The following STXBP5L variants were observed in gnomAD, a reference collection of about 807,000 sequenced individuals.
STXBP5L encodes the protein syntaxin binding protein 5L, also known as syntaxin-binding protein 5-like.
In STXBP5L, 65 loss-of-function variants were observed where a neutral mutation model predicts 144.5. That is an observed-to-expected ratio of 0.45 (90% CI 0.37 to 0.55). STXBP5L has a LOEUF of 0.55. Ranked by LOEUF, STXBP5L falls within the 20% of genes least tolerant of loss-of-function variation. The probability of loss-of-function intolerance (pLI) is 0.00; values close to 1 mark genes in which losing one functional copy is unlikely to be tolerated. For synonymous variants in STXBP5L, 505 were observed against 469.6 expected, an observed-to-expected ratio of 1.08 and a Z score of -0.97; for missense variants, 1,298 against 1,405.5, an observed-to-expected ratio of 0.92 and a Z score of 1.22.
intron 3 of STXBP5L, among the ~76,000 whole-genome samples, chr3:121,035,495 C>T (rs1349968172): frequency 1.3e-5 from 2 of 152,042 alleles, no homozygotes; most frequent in East Asian, 3.9e-4. Context: ...TTTTCATTGA[C>T]TTTATTAAGT....
At chr3:121,097,632 C>T (rs113943719) in intron 5 of STXBP5L, among the ~76,000 whole-genome samples, 3 of 152,254 alleles carry the variant, frequency 2.0e-5, no homozygotes, top group African/African-American at 4.8e-5. Flanking sequence ...GATCACCCTC[C>T]GTGAGCTGCA....
intron 3 of STXBP5L, among the ~76,000 whole-genome samples, chr3:121,036,930 AAT>A (rs1228734271): frequency 6.6e-6 from 1 of 151,730 alleles, no homozygotes; most frequent in East Asian, 1.9e-4. Context: ...AAATTTTAAA[AAT>A]ATATATTTTT....
At chr3:121,052,473 A>C (rs565855197) in intron 5 of STXBP5L, among the ~76,000 whole-genome samples, 1 of 152,336 alleles carries the variant, frequency 6.6e-6, no homozygotes, top group African/African-American at 2.4e-5. Context: ...TCCAGCATAT[A>C]AACAGAACCA....
chr3:121,361,599 C>T (rs1432576392), intron 20 of STXBP5L, among the ~76,000 whole-genome samples: 2 of 151,872 alleles, frequency 1.3e-5, no homozygotes, highest in Non-Finnish European at 2.9e-5. Context: ...TTCAGTATGC[C>T]AGTTGCATTT....
intron 9 of STXBP5L, among the ~76,000 whole-genome samples, chr3:121,182,684 A>G (rs540449293): frequency 6.6e-5 from 10 of 152,318 alleles, no homozygotes; most frequent in African/African-American, 1.4e-4. Flanking sequence ...AACAAAAAAT[A>G]TGCAAAAGAT....
chr3:121,269,799 A>G (rs2050684767), intron 18 of STXBP5L, among the ~76,000 whole-genome samples: 1 of 152,210 alleles, frequency 6.6e-6, no homozygotes, highest in East Asian at 1.9e-4. Context: ...GTCTCTTTAT[A>G]CAAACATAAC....
intron 2 of STXBP5L, among the ~76,000 whole-genome samples, chr3:120,935,746 T>G (rs1710232137): frequency 6.6e-6 from 1 of 152,058 alleles, no homozygotes. Flanking sequence ...ATTCTTACCC[T>G]AAGTCCTCAA....
intron 20 of STXBP5L, among the ~76,000 whole-genome samples, chr3:121,377,969 G>A (rs967466425): frequency 6.6e-6 from 1 of 152,116 alleles, no homozygotes; most frequent in Non-Finnish European, 1.5e-5. Context: ...CACATATACA[G>A]CATGGAATAC....
At position 120,962,728 on chromosome 3, in the gene STXBP5L, T is replaced by G. The variant is rs939015686; in HGVS notation, c.287+7691T>G. On this transcript the variant is annotated intron_variant, in intron 3 of 26. Coordinates refer to ENST00000471454, the MANE Select transcript of STXBP5L (RefSeq NM_001308330.2). ...GGTAGCATGATGGCTCCAGCTTTGT[T>G]CATTTTGCTTAGAATTGTCTTGGCA... is the stretch of plus-strand genomic sequence containing the variant. 3.9e-5 allele frequency among the ~76,000 whole-genome samples: 6 copies of G among 152,334 alleles called. No homozygotes were observed. The East Asian group carries it at 1.2e-3, about 29-fold the overall frequency.
intron 3 of STXBP5L, among the ~76,000 whole-genome samples, chr3:120,958,339 G>A (rs1003892781): frequency 4.6e-5 from 7 of 152,104 alleles, no homozygotes; most frequent in Admixed American, 2.6e-4. Flanking sequence ...ACAAGGAGGA[G>A]CTGGTACCAT....
intron 20 of STXBP5L, among the ~76,000 whole-genome samples, chr3:121,343,549 G>T (rs139138673): frequency 6.6e-6 from 1 of 152,026 alleles, no homozygotes. Context: ...CTTCAGCAAA[G>T]TCTCAGGATA....
rs1320166449 is a variant in STXBP5L at position 120,981,522 on chromosome 3, G to T, written c.287+26485G>T. On this transcript the variant is annotated intron_variant, in intron 3 of 26. Transcript: ENST00000471454. ...TTGTGGTTCCTTTAATGAATTTTTAGTTCTAGAAGTTCTTTTTTAAAAAAT... is the reference window on the plus strand; with the variant it reads ...TTGTGGTTCCTTTAATGAATTTTTATTTCTAGAAGTTCTTTTTTAAAAAAT... 3.9e-5 allele frequency among the ~76,000 whole-genome samples: 6 copies of T among 151,956 alleles called. No homozygotes were observed. The East Asian group carries it at 5.8e-4, about 15-fold the overall frequency.
chr3:121,093,601 G>T (rs569413389), intron 5 of STXBP5L, among the ~76,000 whole-genome samples: 1 of 152,300 alleles, frequency 6.6e-6, no homozygotes, highest in East Asian at 1.9e-4. Context: ...TTATATTTCT[G>T]TGGGATCAGT....
At chr3:121,205,190 A>G (rs1212105316) in intron 9 of STXBP5L, among the ~76,000 whole-genome samples, 1 of 152,194 alleles carries the variant, frequency 6.6e-6, no homozygotes, top group Non-Finnish European at 1.5e-5. Flanking sequence ...ACAGAATACT[A>G]CACACTACGC....
chr3:120,941,641 CCTTT>C (rs1710571696), intron 2 of STXBP5L, among the ~76,000 whole-genome samples: 1 of 151,574 alleles, frequency 6.6e-6, no homozygotes, highest in Non-Finnish European at 1.5e-5. Flanking sequence ...CAATTATTTA[CCTTT>C]CTTAAAATAT....
chr3:120,923,073 G>T (rs1709434831), intron 2 of STXBP5L, among the ~76,000 whole-genome samples: 1 of 151,712 alleles, frequency 6.6e-6, no homozygotes, highest in South Asian at 2.1e-4. Context: ...GTTCAATCTT[G>T]GTAGGTTGTA....
At chr3:121,341,436 G>A (rs891703264) in intron 20 of STXBP5L, among the ~76,000 whole-genome samples, 3 of 152,086 alleles carry the variant, frequency 2.0e-5, no homozygotes, top group Admixed American at 6.6e-5. Flanking sequence ...AATTAGTACA[G>A]CCACTATGGA....
At position 121,349,308 on chromosome 3, in the gene STXBP5L, C is replaced by CCA. The variant is rs1395049156; in HGVS notation, c.2177-29408_2177-29407insCA. On this transcript the variant is annotated intron_variant, in intron 20 of 26. Coordinates refer to ENST00000471454, the MANE Select transcript of STXBP5L (RefSeq NM_001308330.2). ...AATCCTGCGTTCTAGTTTGATTGCA[C>CCA]TGTGGTCTGAGAGACAGTTTGTTAC... is the stretch of plus-strand genomic sequence containing the variant. 1.9e-4 allele frequency among the ~76,000 whole-genome samples: 29 copies of CCA among 152,142 alleles called. No individual in the cohort carries two copies. The East Asian group carries it at 5.2e-3, about 27-fold the overall frequency.
chr3:121,214,260 T>C (rs1281229111), intron 10 of STXBP5L, among the ~76,000 whole-genome samples: 1 of 152,192 alleles, frequency 6.6e-6, no homozygotes, highest in Non-Finnish European at 1.5e-5. Flanking sequence ...CTTTTGAATA[T>C]GTTTGCTCTT....
Sources: gnomAD v4.1 joint callset for allele counts (sites outside exome capture counted in the v4.1 genomes callset) on GRCh38, gnomAD v4.1.1 for gene constraint, MANE v1.5 for transcripts, NCBI Gene and HGNC (gene_info 2026-07-23, HGNC 2026-07-21) for gene names.